KLF12: variants seen among roughly 807,000 people sequenced by gnomAD.
The protein encoded by KLF12 is KLF transcription factor 12, also known as Krueppel-like factor 12.
In KLF12, 9 loss-of-function variants were observed where a neutral mutation model predicts 37.8. That is an observed-to-expected ratio of 0.24 (90% CI 0.14 to 0.42). KLF12 has a LOEUF of 0.42. Among genes scored for constraint, KLF12 ranks in the 10% least tolerant of loss-of-function variants. The pLI, the probability that KLF12 is intolerant of heterozygous loss-of-function variation, is 1.00. For missense variants in KLF12, 411 were observed against 516.0 expected (o/e 0.80, Z 1.97); for synonymous variants, 208 against 202.1 (o/e 1.03, Z -0.25).
chr13:73,905,410 A>G (rs985080010), intron 3 of KLF12, among the ~76,000 whole-genome samples: 1 of 152,038 alleles, frequency 6.6e-6, no homozygotes, highest in Admixed American at 6.5e-5. Context: ...TTAATCACCT[A>G]GGCAAGTAAT....
chr13:73,832,323 T>G (rs2225100), intron 4 of KLF12, among the ~76,000 whole-genome samples: 30,322 of 152,034 alleles, frequency 0.2, 3,671 homozygotes, highest in East Asian at 0.47. Flanking sequence ...TGCCACCTAC[T>G]CTCCCCTTCT....
chr13:73,778,094 A>G (rs1880732781), intron 5 of KLF12, among the ~76,000 whole-genome samples: 1 of 151,620 alleles, frequency 6.6e-6, no homozygotes, highest in African/African-American at 2.4e-5. Context: ...AGATCATGCC[A>G]CTGCACTCCA....
chr13:74,092,020 T>C (rs1236418932), intron 1 of KLF12, among the ~76,000 whole-genome samples: 1 of 147,972 alleles, frequency 6.8e-6, no homozygotes, highest in Non-Finnish European at 1.5e-5. Flanking sequence ...CCAGACGTGG[T>C]GGCTCACACC....
the KLF12 span, among the ~76,000 whole-genome samples, chr13:74,232,249 A>C: frequency 1.2e-4 from 18 of 152,018 alleles, no homozygotes; most frequent in African/African-American, 4.3e-4. Context: ...CAACAATGAA[A>C]CTCCACCTCT....
chr13:74,038,981 G>T (rs1311030643), intron 1 of KLF12, among the ~76,000 whole-genome samples: 2 of 151,430 alleles, frequency 1.3e-5, no homozygotes, highest in Non-Finnish European at 2.9e-5. Flanking sequence ...ACCTCGAATA[G>T]CCATTACTAT....
At chr13:74,275,891 TTCTTTC>T in the KLF12 span, among the ~76,000 whole-genome samples, 34 of 116,592 alleles carry the variant, frequency 2.9e-4, no homozygotes, top group African/African-American at 1.3e-3. Flanking sequence ...CTTTCTTTCT[TTCTTTC>T]TTTCTTTCTT....
the KLF12 span, among the ~76,000 whole-genome samples, chr13:74,292,972 T>C: frequency 6.6e-6 from 1 of 152,194 alleles, no homozygotes; most frequent in African/African-American, 2.4e-5. Context: ...TAATGAGCAT[T>C]GATGAAGACA....
At chr13:74,002,192 T>C (rs1307973032) in intron 1 of KLF12, among the ~76,000 whole-genome samples, 1 of 152,170 alleles carries the variant, frequency 6.6e-6, no homozygotes. Context: ...TCTCCGAATC[T>C]GCTCCTCAAC....
intron 1 of KLF12, among the ~76,000 whole-genome samples, chr13:74,022,141 T>C (rs1309138917): frequency 6.6e-6 from 1 of 152,128 alleles, no homozygotes; most frequent in African/African-American, 2.4e-5. Context: ...TACTAGATAT[T>C]AGTCACTAGT....
At chr13:74,240,562 C>G in the KLF12 span, among the ~76,000 whole-genome samples, 1 of 57,532 alleles carries the variant, frequency 1.7e-5, no homozygotes, top group Admixed American at 2.1e-4. Flanking sequence ...TCCATTCTCC[C>G]CATCACTTTC....
intron 1 of KLF12, among the ~76,000 whole-genome samples, chr13:74,113,128 G>A (rs1005039101): frequency 5.3e-5 from 8 of 152,074 alleles, no homozygotes; most frequent in African/African-American, 1.9e-4. Context: ...GTTGGAAGCC[G>A]GAAGAGTTTG....
chr13:73,843,005 T>C (rs1448942054), intron 4 of KLF12, among the ~76,000 whole-genome samples: 1 of 152,228 alleles, frequency 6.6e-6, no homozygotes, highest in Admixed American at 6.5e-5. Context: ...ATGGTGATTA[T>C]AAAAACTTAG....
At chr13:74,204,809 C>G in the KLF12 span, among the ~76,000 whole-genome samples, 772 of 152,228 alleles carry the variant, frequency 5.1e-3, 5 homozygotes, top group Middle Eastern at 0.01. Flanking sequence ...GTACCATCAT[C>G]ACTGCGTATT....
the KLF12 span, among the ~76,000 whole-genome samples, chr13:74,164,734 A>T: frequency 6.6e-6 from 1 of 152,210 alleles, no homozygotes; most frequent in African/African-American, 2.4e-5. Context: ...AGTTGCTTAT[A>T]TAGCCTCAGC....
At chr13:74,023,783 T>C (rs12873770) in intron 1 of KLF12, among the ~76,000 whole-genome samples, 10,074 of 152,250 alleles carry the variant, frequency 0.066, 454 homozygotes, top group Middle Eastern at 0.13. Context: ...GTGGGGACAC[T>C]AACCCAGGAA....
chr13:74,282,491 T>G, the KLF12 span, among the ~76,000 whole-genome samples: 1 of 152,202 alleles, frequency 6.6e-6, no homozygotes, highest in Non-Finnish European at 1.5e-5. Context: ...ACTGAGAGGG[T>G]GAAGCATGTT....
chr13:74,084,517 G>A (rs189859302), intron 1 of KLF12, among the ~76,000 whole-genome samples: 51 of 152,276 alleles, frequency 3.3e-4, no homozygotes, highest in Admixed American at 2.4e-3. Context: ...CATTTACCAT[G>A]ATAGCGGCAA....
the KLF12 span, among the ~76,000 whole-genome samples, chr13:74,214,117 A>T: frequency 6.6e-6 from 1 of 152,056 alleles, no homozygotes. Context: ...TATGATTTTT[A>T]TTTTTTATTT....
chr13:74,159,288 G>A, the KLF12 span, among the ~76,000 whole-genome samples: 35 of 152,268 alleles, frequency 2.3e-4, no homozygotes, highest in Admixed American at 1.8e-3. Flanking sequence ...ATGAATGAGT[G>A]CCATCTTTTG....
Sources: gnomAD v4.1 joint callset for allele counts (sites outside exome capture counted in the v4.1 genomes callset) on GRCh38, gnomAD v4.1.1 for gene constraint, MANE v1.5 for transcripts, NCBI Gene and HGNC (gene_info 2026-07-23, HGNC 2026-07-21) for gene names.